GARNL3: variants seen among roughly 807,000 people sequenced by gnomAD.
GARNL3 encodes the protein GTPase-activating Rap/Ran-GAP domain-like protein 3.
A neutral mutation model predicts 125.0 loss-of-function variants in GARNL3; 63 were observed. The observed-to-expected ratio is 0.50, with a 90% CI of 0.41 to 0.62. The LOEUF is 0.62. Ranked by LOEUF, GARNL3 falls within the 20% of genes least tolerant of loss-of-function variation. The pLI is 0.00. For missense variants in GARNL3, 994 were observed against 1,244.0 expected (o/e 0.80, Z 3.02); for synonymous variants, 439 against 457.5 (o/e 0.96, Z 0.52).
At chr9:127,299,307 C>CAAAA (rs774997294) in intron 2 of GARNL3, among the ~76,000 whole-genome samples, 5 of 22,278 alleles carry the variant, frequency 2.2e-4, no homozygotes, top group East Asian at 1.1e-3. Flanking sequence ...GACTCCGTCT[C>CAAAA]AAAAAAAAAA....
intron 22 of GARNL3, among the ~76,000 whole-genome samples, chr9:127,375,860 G>A (rs1831873812): frequency 1.3e-5 from 2 of 152,232 alleles, no homozygotes; most frequent in South Asian, 4.1e-4. Context: ...AGAGGTCCTT[G>A]TGGTGAGGAA....
rs373498229 is a variant in GARNL3 at position 127,390,809 on chromosome 9, T to C, written c.2870+42T>C. The C allele has an allele frequency of 7.5e-6, 12 of 1,598,502 alleles. No homozygotes were observed. The East Asian group carries it at 9.0e-5, about 12-fold the overall frequency. ...GCCCCTGCTTGGGGTGGTGGACCTA[T>C]GAGTCACAGCACTGCCCAGGAGGCC... On this transcript the variant is annotated intron_variant, in intron 27 of 27. Transcript: ENST00000373387.
chr9:127,285,248 A>G (rs1391061159), intron 1 of GARNL3, among the ~76,000 whole-genome samples: 1 of 152,204 alleles, frequency 6.6e-6, no homozygotes. Flanking sequence ...CCTGACCAAC[A>G]TGGAGAAACC....
At chr9:127,387,447 TA>T (rs1832602148) in intron 25 of GARNL3, 116 bp downstream of exon 25, 7 of 1,091,064 alleles carry the variant, frequency 6.4e-6, no homozygotes, top group African/African-American at 1.6e-5. Flanking sequence ...TTAAAGCCAT[TA>T]AAAAAAGAAA....
intron 2 of GARNL3, among the ~76,000 whole-genome samples, chr9:127,292,372 C>T (rs974951597): frequency 2.6e-5 from 4 of 152,098 alleles, no homozygotes; most frequent in African/African-American, 9.7e-5. Flanking sequence ...ATGGCCTGGC[C>T]CCTGGGACTA....
Position 127,245,614 on chromosome 9 carries a change from G to A in GARNL3, c.143+2365G>A, listed in dbSNP as rs371693167. Among the ~76,000 whole-genome samples the A allele has an allele frequency of 4.6e-5, 7 of 152,304 alleles. No homozygotes were observed. The South Asian group carries it at 1.0e-3, about 23-fold the overall frequency. On this transcript the variant is annotated intron_variant, in intron 2 of 10. Transcript: ENST00000439286. ...GAGATTGGGTTCCCTGGAAAGATGC[G>A]TCTTTAAGAACCACTACCATTTTGT...
intron 21 of GARNL3, among the ~76,000 whole-genome samples, chr9:127,358,222 C>T (rs1008781699): frequency 3.9e-5 from 6 of 152,340 alleles, no homozygotes; most frequent in South Asian, 2.1e-4. Context: ...CACTGGAGAG[C>T]GTTCAGCACT....
intron 2 of GARNL3, among the ~76,000 whole-genome samples, chr9:127,301,420 A>G (rs773431229): frequency 3.3e-5 from 5 of 152,144 alleles, no homozygotes; most frequent in African/African-American, 9.7e-5. Context: ...GAGCAGCACT[A>G]TGATATAATG....
At chr9:127,306,531 T>C (rs1287315167) in intron 2 of GARNL3, among the ~76,000 whole-genome samples, 1 of 152,070 alleles carries the variant, frequency 6.6e-6, no homozygotes, top group Non-Finnish European at 1.5e-5. Context: ...ATCAAGACCA[T>C]CCTGGCTAAC....
chr9:127,305,585 T>C (rs1431112478), intron 2 of GARNL3, among the ~76,000 whole-genome samples: 2 of 151,906 alleles, frequency 1.3e-5, no homozygotes, highest in Non-Finnish European at 2.9e-5. Flanking sequence ...TAATTTTTTT[T>C]CTTAAGAAAC....
upstream of GARNL3, among the ~76,000 whole-genome samples, chr9:127,262,874 T>C (rs1450055733): frequency 6.6e-6 from 1 of 152,226 alleles, no homozygotes; most frequent in African/African-American, 2.4e-5. Flanking sequence ...GGTGAGCCAT[T>C]CTACTCCTAA....
Position 127,385,937 on chromosome 9 carries a change from T to C in GARNL3, c.2388+792T>C, listed in dbSNP as rs1045353866. Reference sequence around the variant, plus strand: ...TGGAAAATGTGTGTGTGTGCACATATGTGCATATATGTATGATATGTGTAC... The same window carrying C: ...TGGAAAATGTGTGTGTGTGCACATACGTGCATATATGTATGATATGTGTAC... On this transcript the variant is annotated intron_variant, in intron 24 of 27. Transcript: ENST00000373387. The surrounding 1 kb of genome is among the most constrained non-coding windows in gnomAD (Gnocchi z 4.1). Among the ~76,000 whole-genome samples the C allele has an allele frequency of 3.3e-5, 5 of 152,254 alleles. No individual in the cohort carries two copies. Among genetic ancestry groups the C allele is most frequent in the Admixed American group, 3.3e-4 (5 of 15,286 alleles).
chr9:127,375,837 A>G (rs1176674432), intron 22 of GARNL3, among the ~76,000 whole-genome samples: 1 of 152,220 alleles, frequency 6.6e-6, no homozygotes, highest in Non-Finnish European at 1.5e-5. Context: ...AGGACACTCA[A>G]GCAGCCCAGG....
intron 2 of GARNL3, among the ~76,000 whole-genome samples, chr9:127,308,167 A>G (rs990286442): frequency 6.6e-6 from 1 of 152,252 alleles, no homozygotes; most frequent in Non-Finnish European, 1.5e-5. Flanking sequence ...TATCTTGAAT[A>G]GGTAATCAAA....
At chr9:127,239,642 T>C (rs1240248719) in intron 1 of GARNL3, among the ~76,000 whole-genome samples, 2 of 152,212 alleles carry the variant, frequency 1.3e-5, no homozygotes, top group African/African-American at 4.8e-5. Flanking sequence ...CAAGAAGTTC[T>C]TCAACTGCTA....
chr9:127,229,210 G>A (rs2131125586), intron 1 of GARNL3, among the ~76,000 whole-genome samples: 1 of 152,148 alleles, frequency 6.6e-6, no homozygotes, highest in Non-Finnish European at 1.5e-5. Context: ...TTGTTGCTTC[G>A]AAAAACTACC....
chr9:127,315,084 G>A (rs148865829), intron 4 of GARNL3, among the ~76,000 whole-genome samples: 14 of 152,386 alleles, frequency 9.2e-5, no homozygotes, highest in African/African-American at 3.4e-4. Context: ...AGAAGTGCCA[G>A]TGCCTTCACC....
chr9:127,276,326 G>A (rs147890305), intron 1 of GARNL3, among the ~76,000 whole-genome samples: 331 of 151,488 alleles, frequency 2.2e-3, no homozygotes, highest in Middle Eastern at 0.017. Context: ...CTCCTCTCTT[G>A]ACATCTCCAT....
At chr9:127,273,568 C>T (rs1008618924) in intron 1 of GARNL3, among the ~76,000 whole-genome samples, 3 of 152,206 alleles carry the variant, frequency 2.0e-5, no homozygotes, top group Non-Finnish European at 4.4e-5. Context: ...AACACTTGGC[C>T]TGCCTTTGTT....
Sources: gnomAD v4.1 joint callset for allele counts (sites outside exome capture counted in the v4.1 genomes callset) on GRCh38, gnomAD v4.1.1 for gene constraint, Gnocchi (gnomAD v3.1) non-coding constraint, MANE v1.5 for transcripts, NCBI Gene and HGNC (gene_info 2026-07-23, HGNC 2026-07-21) for gene names.